Variants in HMGA2 observed in about 807,000 individuals in gnomAD.
The protein encoded by HMGA2 is high mobility group protein HMGI-C.
HMGA2 carries 8 observed loss-of-function variants against 19.1 expected under a neutral mutation model. The ratio of observed to expected loss-of-function variants is 0.42; its 90% CI spans 0.25 to 0.76. The LOEUF is 0.76. Among genes scored for constraint, HMGA2 ranks in the 30% least tolerant of loss-of-function variants. The pLI is 0.28. For missense variants in HMGA2, 109 were observed against 136.3 expected (o/e 0.80, Z 1.00); for synonymous variants, 60 against 48.8 (o/e 1.23, Z -0.96).
intron 3 of HMGA2, among the ~76,000 whole-genome samples, chr12:65,869,033 C>A (rs1181200175): frequency 6.6e-6 from 1 of 152,086 alleles, no homozygotes; most frequent in East Asian, 1.9e-4. Context: ...ATTGGTAAGC[C>A]GCTACACTTT....
At chr12:65,878,149 AC>A (rs1328254888) in intron 3 of HMGA2, among the ~76,000 whole-genome samples, 3 of 152,116 alleles carry the variant, frequency 2.0e-5, no homozygotes, top group Non-Finnish European at 2.9e-5. Flanking sequence ...CCCACTATGA[AC>A]CCCATTTTGA....
intron 3 of HMGA2, among the ~76,000 whole-genome samples, chr12:65,888,459 A>G (rs961854368): frequency 1.3e-5 from 2 of 150,284 alleles, no homozygotes; most frequent in African/African-American, 4.9e-5. Context: ...AGTCCCCCCC[A>G]AAAAAAGAAA....
At chr12:65,936,553 C>T (rs1875902904) in intron 3 of HMGA2, among the ~76,000 whole-genome samples, 1 of 152,088 alleles carries the variant, frequency 6.6e-6, no homozygotes, top group Non-Finnish European at 1.5e-5. Context: ...TACAGAGAGA[C>T]CTGTAATCAT....
chr12:65,897,018 T>C (rs1404856935), intron 3 of HMGA2, among the ~76,000 whole-genome samples: 1 of 152,246 alleles, frequency 6.6e-6, no homozygotes, highest in Admixed American at 6.5e-5. Context: ...AAATGGTTAG[T>C]TGAAACCTGA....
intron 3 of HMGA2, among the ~76,000 whole-genome samples, chr12:65,923,934 G>A (rs1402692993): frequency 6.6e-6 from 1 of 152,102 alleles, no homozygotes; most frequent in Non-Finnish European, 1.5e-5. Context: ...GCTTGCACCT[G>A]GCGGGGCGGA....
chr12:65,839,871 T>C (rs1214595465), intron 3 of HMGA2, among the ~76,000 whole-genome samples: 1 of 152,226 alleles, frequency 6.6e-6, no homozygotes, highest in Non-Finnish European at 1.5e-5. Flanking sequence ...TTGTTCCATC[T>C]GACTACCTGT....
intron 2 of HMGA2, among the ~76,000 whole-genome samples, chr12:65,832,736 A>G (rs1040979526): frequency 1.3e-5 from 2 of 152,018 alleles, no homozygotes; most frequent in Non-Finnish European, 2.9e-5. Context: ...ATTATTTCAT[A>G]TTGTTTTAAT....
intron 3 of HMGA2, chr12:65,842,186 C>A (rs902792790): frequency 3.9e-6 from 4 of 1,023,706 alleles, no homozygotes; most frequent in Admixed American, 4.6e-5. Flanking sequence ...TCTGGTCCGT[C>A]ACTTAGCTAA....
intron 3 of HMGA2, among the ~76,000 whole-genome samples, chr12:65,912,364 A>G (rs1336760189): frequency 1.3e-5 from 2 of 152,176 alleles, no homozygotes; most frequent in African/African-American, 2.4e-5. Flanking sequence ...TTAAATTTAA[A>G]TAAATGAATG....
chr12:65,929,266 C>T (rs1875623449), intron 3 of HMGA2, among the ~76,000 whole-genome samples: 1 of 151,968 alleles, frequency 6.6e-6, no homozygotes, highest in Non-Finnish European at 1.5e-5. Flanking sequence ...TTGCAGCCTT[C>T]CCATACTTGA....
At chr12:65,870,490 G>A (rs1283212592) in intron 3 of HMGA2, among the ~76,000 whole-genome samples, 6 of 152,140 alleles carry the variant, frequency 3.9e-5, no homozygotes, top group Admixed American at 2.6e-4. Flanking sequence ...CAGCACTTTG[G>A]GAGGCCGAGG....
intron 3 of HMGA2, among the ~76,000 whole-genome samples, chr12:65,903,538 C>T (rs922235548): frequency 3.3e-5 from 5 of 152,142 alleles, no homozygotes; most frequent in East Asian, 1.9e-4. Flanking sequence ...GAGACATCGC[C>T]GGGGAGGTGG....
intron 3 of HMGA2, among the ~76,000 whole-genome samples, chr12:65,930,460 T>C (rs1214002225): frequency 6.6e-6 from 1 of 151,996 alleles, no homozygotes; most frequent in Admixed American, 6.5e-5. Flanking sequence ...GAAGAGAGAG[T>C]TTGCGGGGAG....
chr12:65,936,136 T>G (rs1340970977), intron 3 of HMGA2, among the ~76,000 whole-genome samples: 1 of 152,218 alleles, frequency 6.6e-6, no homozygotes, highest in Non-Finnish European at 1.5e-5. Context: ...CCTTTTACTA[T>G]TAAGTAATGT....
intron 3 of HMGA2, among the ~76,000 whole-genome samples, chr12:65,910,762 CACATATCCAT>C (rs1874809670): frequency 6.6e-6 from 1 of 152,048 alleles, no homozygotes; most frequent in Non-Finnish European, 1.5e-5. Context: ...AACTGAAATG[CACATATCCAT>C]AGTTTTCTTT....
chr12:65,855,446 T>TCA (rs1871683341), intron 3 of HMGA2, among the ~76,000 whole-genome samples: 1 of 92,690 alleles, frequency 1.1e-5, no homozygotes, highest in African/African-American at 4.3e-5. Context: ...TCTTTCTCTC[T>TCA]CTCTCTCTCT....
intron 3 of HMGA2, among the ~76,000 whole-genome samples, chr12:65,910,094 A>G (rs769085684): frequency 6.6e-6 from 1 of 152,228 alleles, no homozygotes; most frequent in Non-Finnish European, 1.5e-5. Flanking sequence ...GAAGAAAACT[A>G]GAGGAGCTAA....
chr12:65,943,531 A>G (rs535447149), intron 3 of HMGA2, among the ~76,000 whole-genome samples: 27 of 152,300 alleles, frequency 1.8e-4, no homozygotes, highest in Admixed American at 5.2e-4. Context: ...GCACTTTGCT[A>G]TAATAATCCA....
At chr12:65,936,593 C>T (rs529613727) in intron 3 of HMGA2, among the ~76,000 whole-genome samples, 1 of 152,260 alleles carries the variant, frequency 6.6e-6, no homozygotes, top group East Asian at 1.9e-4. Flanking sequence ...TTTATTGATA[C>T]TGAGCACTGC....
Sources: allele counts gnomAD v4.1 joint callset (sites outside exome capture counted in the v4.1 genomes callset), GRCh38; gene constraint gnomAD v4.1.1; transcripts MANE v1.5; gene names NCBI Gene and HGNC (gene_info 2026-07-23, HGNC 2026-07-21).